The following CDH13 variants were observed in gnomAD, a reference collection of about 807,000 sequenced individuals.
CDH13 encodes cadherin 13.
A neutral mutation model predicts 63.8 loss-of-function variants in CDH13; 24 were observed. That is an observed-to-expected ratio of 0.38 (90% CI 0.27 to 0.53). The LOEUF (loss-of-function observed/expected upper bound fraction) is 0.53, where lower values mean the gene tolerates loss of function less well. Ranked by LOEUF, CDH13 falls within the 20% of genes least tolerant of loss-of-function variation. The probability of loss-of-function intolerance (pLI) is 0.85; values close to 1 mark genes in which losing one functional copy is unlikely to be tolerated. For missense variants in CDH13, 1,049 were observed against 903.1 expected, an observed-to-expected ratio of 1.16 and a Z score of -2.07; for synonymous variants, 503 against 355.3, an observed-to-expected ratio of 1.42 and a Z score of -4.67.
At chr16:82,945,208 A>G (rs1253240115) in intron 2 of CDH13, among the ~76,000 whole-genome samples, 1 of 152,256 alleles carries the variant, frequency 6.6e-6, no homozygotes, top group Non-Finnish European at 1.5e-5. Context: ...TTTGTGGGCC[A>G]TGAAGTTTCT....
At chr16:83,711,428 T>C (rs1369270444) in intron 10 of CDH13, among the ~76,000 whole-genome samples, 1 of 152,160 alleles carries the variant, frequency 6.6e-6, no homozygotes, top group Non-Finnish European at 1.5e-5. Flanking sequence ...TAGCAAACTT[T>C]CCTAATGGCT....
At chr16:82,988,225 A>T (rs1911197202) in intron 2 of CDH13, among the ~76,000 whole-genome samples, 1 of 152,206 alleles carries the variant, frequency 6.6e-6, no homozygotes, top group Admixed American at 6.5e-5. Flanking sequence ...TGTATGTAAG[A>T]GCACGCACAC....
At chr16:83,035,400 A>G (rs1242329700) in intron 3 of CDH13, among the ~76,000 whole-genome samples, 1 of 152,138 alleles carries the variant, frequency 6.6e-6, no homozygotes, top group East Asian at 1.9e-4. Flanking sequence ...CAAAGCACCA[A>G]CCATGTGCCA....
intron 10 of CDH13, among the ~76,000 whole-genome samples, chr16:83,732,338 G>A (rs1407451711): frequency 2.6e-5 from 4 of 152,170 alleles, no homozygotes; most frequent in Non-Finnish European, 5.9e-5. Context: ...GGAGAGGTGA[G>A]GGGGAGAAAC....
At chr16:82,926,590 T>A (rs550106814) in intron 2 of CDH13, among the ~76,000 whole-genome samples, 43 of 152,348 alleles carry the variant, frequency 2.8e-4, no homozygotes, top group African/African-American at 9.6e-4. Context: ...AAGTCTTCAC[T>A]AGATTCCTAG....
At chr16:83,060,007 G>C (rs1037524679) in intron 3 of CDH13, among the ~76,000 whole-genome samples, 15 of 151,768 alleles carry the variant, frequency 9.9e-5, no homozygotes, top group Admixed American at 3.3e-4. Context: ...TGTTAGCCAG[G>C]GTGGTCTTGA....
chr16:83,345,268 C>G (rs1298546159), intron 6 of CDH13, among the ~76,000 whole-genome samples: 1 of 152,186 alleles, frequency 6.6e-6, no homozygotes, highest in Non-Finnish European at 1.5e-5. Flanking sequence ...TAAGGCATGG[C>G]CGATGTTGGG....
At chr16:83,343,517 C>T (rs1052737926) in intron 5 of CDH13, among the ~76,000 whole-genome samples, 3 of 152,080 alleles carry the variant, frequency 2.0e-5, no homozygotes, top group Admixed American at 1.3e-4. Context: ...ATGAGTCTTT[C>T]GTGGTTTCTG....
intron 2 of CDH13, among the ~76,000 whole-genome samples, chr16:83,002,142 C>T (rs1029407813): frequency 2.0e-5 from 3 of 152,174 alleles, no homozygotes; most frequent in Admixed American, 2.0e-4. Flanking sequence ...ATCCCTAGAA[C>T]CTGTGATTGT....
At chr16:82,945,161 A>G (rs2151314632) in intron 2 of CDH13, among the ~76,000 whole-genome samples, 1 of 152,352 alleles carries the variant, frequency 6.6e-6, no homozygotes, top group East Asian at 1.9e-4. Context: ...AATGTAAATA[A>G]GTGTTGGCAA....
At chr16:83,500,140 T>C (rs996865776) in intron 7 of CDH13, among the ~76,000 whole-genome samples, 8 of 151,660 alleles carry the variant, frequency 5.3e-5, no homozygotes, top group Non-Finnish European at 1.0e-4. Context: ...GTTGTATCAG[T>C]GGTCGTAAGG....
intron 5 of CDH13, among the ~76,000 whole-genome samples, chr16:83,329,985 C>G (rs2151902699): frequency 6.6e-6 from 1 of 152,276 alleles, no homozygotes; most frequent in Middle Eastern, 3.4e-3. Flanking sequence ...CTGCTATGGA[C>G]ATGAGTACGC....
chr16:82,909,824 C>T (rs1206566577), intron 2 of CDH13, among the ~76,000 whole-genome samples: 1 of 152,172 alleles, frequency 6.6e-6, no homozygotes, highest in Non-Finnish European at 1.5e-5. Flanking sequence ...ATCAGATGTA[C>T]TTCGCATATC....
At chr16:82,843,912 G>T (rs1187919549) in intron 1 of CDH13, among the ~76,000 whole-genome samples, 1 of 152,202 alleles carries the variant, frequency 6.6e-6, no homozygotes, top group Non-Finnish European at 1.5e-5. Context: ...AGGCTTTCCT[G>T]ATTTCACAGG....
At chr16:82,890,088 G>A (rs111868366) in intron 2 of CDH13, among the ~76,000 whole-genome samples, 3 of 152,328 alleles carry the variant, frequency 2.0e-5, no homozygotes, top group East Asian at 1.9e-4. Flanking sequence ...ATATGTTTCA[G>A]TAAGTCTCCC....
At chr16:83,034,310 A>G (rs150388736) in intron 3 of CDH13, among the ~76,000 whole-genome samples, 2 of 152,116 alleles carry the variant, frequency 1.3e-5, no homozygotes, top group East Asian at 3.9e-4. Flanking sequence ...CCTGGGCTGG[A>G]TGAACTTCAC....
chr16:82,788,605 A>T (rs1372633875), intron 1 of CDH13, among the ~76,000 whole-genome samples: 2 of 152,244 alleles, frequency 1.3e-5, no homozygotes, highest in African/African-American at 4.8e-5. Flanking sequence ...GAGCTCAGGG[A>T]ATAGCACAGA....
At chr16:82,847,055 G>T (rs540638319) in intron 1 of CDH13, among the ~76,000 whole-genome samples, 2 of 151,842 alleles carry the variant, frequency 1.3e-5, no homozygotes, top group Non-Finnish European at 2.9e-5. Flanking sequence ...TCCCCACCTC[G>T]CCTTCAAATT....
chr16:83,650,372 C>G lies in CDH13; in HGVS notation c.1102-20418C>G, dbSNP rs539701451. Among the ~76,000 whole-genome samples, 15 of 152,200 alleles carry G rather than the reference C, an allele frequency of 9.9e-5. No individual in the cohort carries two copies. The South Asian group carries it at 3.1e-3, about 32-fold the overall frequency. ...TTCTGGCAACATCTGATTCAATTAC[C>G]CCAGAAAATGTTACTATGCTCTTCC... is the stretch of plus-strand genomic sequence containing the variant. On this transcript the variant is annotated intron_variant, in intron 8 of 13. Transcript: ENST00000567109.
Sources: gnomAD v4.1 joint callset for allele counts (sites outside exome capture counted in the v4.1 genomes callset) on GRCh38, gnomAD v4.1.1 for gene constraint, MANE v1.5 for transcripts, NCBI Gene and HGNC (gene_info 2026-07-23, HGNC 2026-07-21) for gene names.